FGF14: variants seen among roughly 807,000 people sequenced by gnomAD.
The protein encoded by FGF14 is fibroblast growth factor homologous factor 4.
FGF14 carries 5 observed loss-of-function variants against 25.5 expected under a neutral mutation model. That is an observed-to-expected ratio of 0.20 (90% CI 0.10 to 0.41). The LOEUF (loss-of-function observed/expected upper bound fraction) is 0.41. Ranked by LOEUF, FGF14 falls within the 10% of genes least tolerant of loss-of-function variation. The pLI is 1.00. For synonymous variants in FGF14, 138 were observed against 118.3 expected (o/e 1.17, Z -1.08); for missense variants, 222 against 320.1 (o/e 0.69, Z 2.34).
At chr13:102,176,171 T>C (rs2048441379) in intron 1 of FGF14, among the ~76,000 whole-genome samples, 1 of 152,090 alleles carries the variant, frequency 6.6e-6, no homozygotes, top group South Asian at 2.1e-4. Context: ...TCAACCTAAA[T>C]GTTTACCACT....
At chr13:101,727,087 T>G (rs1022954396) in intron 3 of FGF14, among the ~76,000 whole-genome samples, 4 of 151,982 alleles carry the variant, frequency 2.6e-5, no homozygotes, top group Admixed American at 6.6e-5. Context: ...CAGAAGACAA[T>G]TCAACCAGAG....
At chr13:101,968,854 C>CTTTTTTT (rs10623595) in intron 1 of FGF14, among the ~76,000 whole-genome samples, 1 of 132,114 alleles carries the variant, frequency 7.6e-6, no homozygotes, top group Non-Finnish European at 1.6e-5. Context: ...CATCAACAGC[C>CTTTTTTT]TTTTTTTTTT....
rs1014768707 is a variant in FGF14 at position 102,113,014 on chromosome 13, C to T, written c.209-237718G>A. On this transcript the variant is annotated intron_variant, in intron 1 of 4. Coordinates refer to the FGF14 transcript ENST00000376131. ...GTCAGATATTTAGCTATACACTTTA[C>T]TGACATCTACTTAAATCAGAAGTTG... Among the ~76,000 whole-genome samples, 6 of 152,188 alleles carry T rather than the reference C, an allele frequency of 3.9e-5. No individual in the cohort carries two copies. In the South Asian group the frequency reaches 1.0e-3, roughly 26 times the overall value.
chr13:101,943,820 A>ATATAT (rs1555324427), intron 1 of FGF14, among the ~76,000 whole-genome samples: 1 of 121,182 alleles, frequency 8.3e-6, no homozygotes, highest in African/African-American at 6.1e-5. Flanking sequence ...CTTAAAAAAA[A>ATATAT]AAAAAAATAT....
intron 1 of FGF14, among the ~76,000 whole-genome samples, chr13:102,381,339 T>C (rs2058178765): frequency 6.6e-6 from 1 of 152,212 alleles, no homozygotes; most frequent in Non-Finnish European, 1.5e-5. Context: ...ATGCAATTAA[T>C]ATTAAGAGGT....
intron 1 of FGF14, among the ~76,000 whole-genome samples, chr13:102,240,058 A>C (rs1177954150): frequency 6.6e-6 from 1 of 152,214 alleles, no homozygotes; most frequent in Non-Finnish European, 1.5e-5. Flanking sequence ...ATTTTAACAC[A>C]ATGCTTTTAC....
chr13:101,712,064 G>C lies in FGF14; in HGVS notation c.*10767C>G, dbSNP rs1033964756. 4 of 152,180 alleles carry C rather than the reference G, an allele frequency of 2.6e-5. No individual in the cohort carries two copies. Among genetic ancestry groups the C allele is most frequent in the African/African-American group, 9.7e-5 (4 of 41,442 alleles). 9.4% of individuals were successfully genotyped at this position (152,180 alleles called of 1,614,324 possible). On this transcript the variant is annotated 3_prime_UTR_variant, in exon 5 of 5. Transcript: ENST00000376143. The stretch of plus-strand genomic sequence containing the variant: ...GAGGCACAATTTGACCCATGTTATG[G>C]AAGAAAACAGCTAGAGCGTTCTACA...
chr13:101,974,263 C>G (rs543819023), intron 1 of FGF14, among the ~76,000 whole-genome samples: 20 of 152,300 alleles, frequency 1.3e-4, no homozygotes, highest in African/African-American at 4.8e-4. Context: ...CATGAACTCT[C>G]AGAGCTTCAT....
At chr13:102,084,122 G>C (rs2043773147) in intron 1 of FGF14, among the ~76,000 whole-genome samples, 1 of 151,922 alleles carries the variant, frequency 6.6e-6, no homozygotes, top group Non-Finnish European at 1.5e-5. Flanking sequence ...TATTCAGAAG[G>C]TGAAGTCCCT....
At chr13:102,298,339 C>T (rs1302168611) in intron 1 of FGF14, among the ~76,000 whole-genome samples, 1 of 152,072 alleles carries the variant, frequency 6.6e-6, no homozygotes, top group Non-Finnish European at 1.5e-5. Context: ...GGAGCTATCT[C>T]AAAGTACTGA....
intron 1 of FGF14, among the ~76,000 whole-genome samples, chr13:102,040,229 G>T (rs540906732): frequency 6.6e-6 from 1 of 152,044 alleles, no homozygotes; most frequent in Middle Eastern, 3.2e-3. Context: ...GTACTGTTGA[G>T]CTTTTTATAT....
At chr13:101,936,243 G>A (rs890230763) in intron 1 of FGF14, among the ~76,000 whole-genome samples, 2 of 152,154 alleles carry the variant, frequency 1.3e-5, no homozygotes, top group Non-Finnish European at 2.9e-5. Flanking sequence ...CCTGACCCAC[G>A]AGGGTTGTGG....
chr13:102,161,605 AAGAAGAAGAAGAAGAAGAAGAAGAAGAAG>A (rs2047681896), intron 1 of FGF14, among the ~76,000 whole-genome samples: 4 of 5,242 alleles, frequency 7.6e-4, no homozygotes, highest in African/African-American at 2.0e-3. Context: ...GAAGAAGAAG[AAGAAGAAGAAGAAGAAGAAGAAGAAGAAG>A]AAGAAGAAGA....
At position 101,714,520 on chromosome 13, in the gene FGF14, C is replaced by G; in HGVS notation, c.*8311G>C. On this transcript the variant is annotated 3_prime_UTR_variant, in exon 5 of 5. Coordinates refer to ENST00000376143, the MANE Select transcript of FGF14 (RefSeq NM_004115.4). ...AGTTCTGTGACTGTGATGACAGAGACTGCGACAAACATGATGGTCTCATTT... is the reference window on the plus strand; with the variant it reads ...AGTTCTGTGACTGTGATGACAGAGAGTGCGACAAACATGATGGTCTCATTT... 1 of 1,608,980 alleles carries G rather than the reference C, an allele frequency of 6.2e-7. No individual in the cohort carries two copies. Among genetic ancestry groups the G allele is most frequent in the Non-Finnish European group, 8.5e-7 (1 of 1,175,378 alleles).
chr13:101,950,751 G>GTTTTTT (rs61285721), intron 1 of FGF14, among the ~76,000 whole-genome samples: 2 of 131,968 alleles, frequency 1.5e-5, no homozygotes, highest in Non-Finnish European at 3.2e-5. Flanking sequence ...ACCTAATCAT[G>GTTTTTT]TTTTTTTTTT....
chr13:101,958,297 G>C (rs2036631500), intron 1 of FGF14, among the ~76,000 whole-genome samples: 2 of 152,220 alleles, frequency 1.3e-5, no homozygotes, highest in South Asian at 2.1e-4. Flanking sequence ...CCCATGATTG[G>C]CAGCTTCCAG....
At chr13:102,157,490 C>T (rs771708712) in intron 1 of FGF14, among the ~76,000 whole-genome samples, 21 of 152,160 alleles carry the variant, frequency 1.4e-4, no homozygotes, top group Non-Finnish European at 2.9e-4. Context: ...TTCCTTACAC[C>T]TTATACAAAA....
At chr13:102,245,327 A>T (rs1210569972) in intron 1 of FGF14, among the ~76,000 whole-genome samples, 1 of 152,132 alleles carries the variant, frequency 6.6e-6, no homozygotes, top group African/African-American at 2.4e-5. Flanking sequence ...GCTGGTAGTT[A>T]GAAAACGTTA....
At chr13:102,308,284 A>G (rs1365758068) in intron 1 of FGF14, among the ~76,000 whole-genome samples, 2 of 152,216 alleles carry the variant, frequency 1.3e-5, no homozygotes, top group African/African-American at 4.8e-5. Context: ...AAAAGTTTCA[A>G]TCACGTTCCC....
Sources: allele counts gnomAD v4.1 joint callset (sites outside exome capture counted in the v4.1 genomes callset), GRCh38; gene constraint gnomAD v4.1.1; transcripts MANE v1.5; gene names NCBI Gene and HGNC (gene_info 2026-07-23, HGNC 2026-07-21).